RAB5C: variants seen among roughly 807,000 people sequenced by gnomAD.
RAB5C encodes the protein ras-related protein Rab-5C.
Under a neutral mutation model 25.2 loss-of-function variants are expected in RAB5C, and 4 were observed. The observed-to-expected ratio is 0.16, with a 90% CI of 0.08 to 0.36. The LOEUF (loss-of-function observed/expected upper bound fraction) is 0.36. Among genes scored for constraint, RAB5C ranks in the 10% least tolerant of loss-of-function variants. The pLI, the probability that RAB5C is intolerant of heterozygous loss-of-function variation, is 1.00. For missense variants in RAB5C, 199 were observed against 283.8 expected (o/e 0.70, Z 2.15); for synonymous variants, 100 against 106.4 (o/e 0.94, Z 0.37).
chr17:42,125,602 A>G lies in RAB5C; in HGVS notation c.*181T>C, dbSNP rs1286066851. ...TAAAATTGAATTAGTATTTGTACAG[A>G]AAGGTGCAGGTGGAATGACTCACTC... On this transcript the variant is annotated 3_prime_UTR_variant, in exon 6 of 6. Coordinates refer to ENST00000346213, the MANE Select transcript of RAB5C (RefSeq NM_004583.4). 1.7e-6 allele frequency: 1 copy of G among 577,820 alleles called. No homozygotes were observed. Among genetic ancestry groups the G allele is most frequent in the Non-Finnish European group, 3.1e-6 (1 of 324,606 alleles). The allele number at this position is 577,820 out of a possible 1,614,324, so 35.8% of individuals were successfully genotyped here. A position where few individuals can be genotyped will look rare whatever the true frequency, so the allele number is the denominator to read the frequency against.
At chr17:42,128,198 C>G (rs2054447208) in intron 4 of RAB5C, 63 bp downstream of exon 4, 1 of 1,564,934 alleles carries the variant, frequency 6.4e-7, no homozygotes, top group South Asian at 1.2e-5. Flanking sequence ...CCCTGAGCAT[C>G]CCAGGCGAGG....
intron 1 of RAB5C, among the ~76,000 whole-genome samples, chr17:42,146,977 G>C (rs1431980836): frequency 6.6e-6 from 1 of 150,706 alleles, no homozygotes; most frequent in Non-Finnish European, 1.5e-5. Flanking sequence ...TCCAGCCTGG[G>C]CGACAAGGCA....
intron 1 of RAB5C, among the ~76,000 whole-genome samples, chr17:42,152,491 G>A (rs6503688): frequency 0.12 from 18,552 of 152,038 alleles, 1,501 homozygotes; most frequent in East Asian, 0.37. Flanking sequence ...CTTCAAAGTC[G>A]TTTCAGGTTG....
chr17:42,130,654 A>T (rs1467189207), intron 1 of RAB5C, 64 bp from the exon 2 acceptor site: 1 of 1,452,456 alleles, frequency 6.9e-7, no homozygotes, highest in Admixed American at 2.4e-5. Flanking sequence ...TGTCCTTCTT[A>T]AATTACAGAT....
chr17:42,141,213 G>T (rs576904403), intron 1 of RAB5C, among the ~76,000 whole-genome samples: 2 of 152,322 alleles, frequency 1.3e-5, no homozygotes, highest in South Asian at 4.1e-4. Context: ...AAGATTCAAT[G>T]AGCGAATCAC....
chr17:42,141,192 T>C (rs1159811346), intron 1 of RAB5C, among the ~76,000 whole-genome samples: 1 of 152,190 alleles, frequency 6.6e-6, no homozygotes, highest in Non-Finnish European at 1.5e-5. Flanking sequence ...AAGCAATGAA[T>C]AGGTCTAAAC....
At chr17:42,142,024 A>C (rs1168936475) in intron 1 of RAB5C, among the ~76,000 whole-genome samples, 1 of 152,028 alleles carries the variant, frequency 6.6e-6, no homozygotes, top group African/African-American at 2.4e-5. Context: ...CCTAGAAGAT[A>C]CTCAGTGTCC....
chr17:42,142,909 T>A (rs2079611384), intron 1 of RAB5C, among the ~76,000 whole-genome samples: 1 of 152,158 alleles, frequency 6.6e-6, no homozygotes, highest in African/African-American at 2.4e-5. Flanking sequence ...TGGAATCTCT[T>A]ACAAGACCCA....
rs149127763 is a variant in RAB5C, at chr17:42,146,437, G to A, written c.-89+8456C>T. ...GTTTATTAAGCCTCGGCAACATAGG[G>A]AGACCCCGTCTCTACAAAAAAATCA... On this transcript the variant is annotated intron_variant, in intron 1 of 5. Transcript: ENST00000346213. Among the ~76,000 whole-genome samples, 944 of 152,212 alleles carry A rather than the reference G, an allele frequency of 6.2e-3. 2 individuals are homozygous for A. Among genetic ancestry groups the A allele is most frequent in the Non-Finnish European group, 0.011 (732 of 68,012 alleles).
chr17:42,128,832 A>G (rs750169103), intron 2 of RAB5C, 32 bp from the exon 3 acceptor site: 38 of 1,430,316 alleles, frequency 2.7e-5, no homozygotes, highest in Admixed American at 1.8e-4. Flanking sequence ...CATGGGCAAG[A>G]GCGAGTTGGA....
At chr17:42,147,042 A>C (rs9895086) in intron 1 of RAB5C, among the ~76,000 whole-genome samples, 1 of 151,332 alleles carries the variant, frequency 6.6e-6, no homozygotes, top group African/African-American at 2.4e-5. Context: ...GAAAGACAGA[A>C]AGAAAGACAG....
chr17:42,147,104 GAC>G (rs1453759534), intron 1 of RAB5C, among the ~76,000 whole-genome samples: 39 of 149,784 alleles, frequency 2.6e-4, no homozygotes, highest in African/African-American at 9.3e-4. Flanking sequence ...AAGAAGGAAA[GAC>G]AGAAAGAAAG....
Position 42,126,868 on chromosome 17 carries a change from G to C in RAB5C, c.442-20C>G. The C allele has an allele frequency of 6.5e-7, 1 of 1,537,618 alleles. No homozygotes were observed. The highest frequency in any genetic ancestry group is 8.9e-7 in the Non-Finnish European group (1 of 1,118,404). On this transcript the variant is annotated intron_variant, in intron 4 of 5. Transcript: ENST00000346213. ...TGCTTCCTGGTTTGGATGGAGGTGAGAGGAGGTGAGAGGGAAATGTTGGCA... is the reference window on the plus strand; with the variant it reads ...TGCTTCCTGGTTTGGATGGAGGTGACAGGAGGTGAGAGGGAAATGTTGGCA...
chr17:42,142,129 G>A (rs1296455273), intron 1 of RAB5C, among the ~76,000 whole-genome samples: 1 of 151,010 alleles, frequency 6.6e-6, no homozygotes, highest in Admixed American at 6.6e-5. Flanking sequence ...AATCTGCATG[G>A]GGTGAAGGCC....
chr17:42,125,500 A>G lies in RAB5C; in HGVS notation c.*283T>C, dbSNP rs1598240749. 1 of 359,422 alleles carries G rather than the reference A, an allele frequency of 2.8e-6. No homozygotes were observed. Among genetic ancestry groups the G allele is most frequent in the Non-Finnish European group, 5.2e-6 (1 of 194,096 alleles). 22.3% of individuals were successfully genotyped at this position (359,422 alleles called of 1,614,324 possible). A position where few individuals can be genotyped will look rare whatever the true frequency, so the allele number is the denominator to read the frequency against. Reference sequence around the variant, plus strand: ...AGCATGTGGCTACTCCCAGCAAGGGAAAATGGGAGAGCAGTAGAAAGGGGA... The same window carrying G: ...AGCATGTGGCTACTCCCAGCAAGGGGAAATGGGAGAGCAGTAGAAAGGGGA... On this transcript the variant is annotated 3_prime_UTR_variant, in exon 6 of 6. Transcript: ENST00000346213.
At position 42,128,326 on chromosome 17, in the gene RAB5C, T is replaced by C; in HGVS notation, c.376A>G (p.Asn126Asp). ...TTACCCGCGAGTGCAATGACGATGT[T>C]GGGGCTGGCCTGCCTCTGTAGCTCC... ...VKELQRQASP[N>D]IVIALAGNKA... is the part of the protein sequence containing the mutation. The change falls in exon 4 of 6, where the codon AAC (asparagine) becomes GAC (aspartate). Residue 126 changes from asparagine to aspartate, a missense_variant. Transcript: ENST00000346213. The C allele has an allele frequency of 6.2e-7, 1 of 1,614,174 alleles. No individual in the cohort carries two copies. The highest frequency in any genetic ancestry group is 8.5e-7 in the Non-Finnish European group (1 of 1,180,022).
intron 1 of RAB5C, among the ~76,000 whole-genome samples, chr17:42,148,403 CA>C (rs71228786): frequency 4.0e-3 from 232 of 57,402 alleles, no homozygotes; most frequent in African/African-American, 6.8e-3. Flanking sequence ...GACTCCATCT[CA>C]AAAAAAAAAA....
At chr17:42,130,252 GGCAGGCA>G (rs2054470386) in intron 2 of RAB5C, 78 bp downstream of exon 2, 7 of 1,515,680 alleles carry the variant, frequency 4.6e-6, no homozygotes, top group Non-Finnish European at 6.2e-6. Flanking sequence ...CCCTAATGCA[GGCAGGCA>G]GCTTCCCATC....
chr17:42,130,186 G>T, intron 2 of RAB5C, 151 bp downstream of exon 2: 1 of 1,091,636 alleles, frequency 9.2e-7, no homozygotes. Flanking sequence ...CAGTTGCTGG[G>T]CTCAATTCCA....
Sources: allele counts gnomAD v4.1 joint callset (sites outside exome capture counted in the v4.1 genomes callset), GRCh38; gene constraint gnomAD v4.1.1; transcripts MANE v1.5; gene names NCBI Gene and HGNC (gene_info 2026-07-23, HGNC 2026-07-21).